The following ZDHHC17 variants were observed in gnomAD, a reference collection of about 807,000 sequenced individuals.
ZDHHC17 encodes zDHHC palmitoyltransferase 17.
ZDHHC17 carries 40 observed loss-of-function variants against 90.3 expected under a neutral mutation model. The observed-to-expected ratio is 0.44, with a 90% CI of 0.34 to 0.58. The LOEUF (loss-of-function observed/expected upper bound fraction) is 0.58. Ranked by LOEUF, ZDHHC17 falls within the 20% of genes least tolerant of loss-of-function variation. ZDHHC17 has a pLI of 0.01. For missense variants in ZDHHC17, 614 were observed against 780.8 expected (o/e 0.79, Z 2.55); for synonymous variants, 235 against 252.4 (o/e 0.93, Z 0.65).
In ZDHHC17 at chr12:76,851,133, CT is replaced by C; in HGVS notation, c.*152del. The C allele has an allele frequency of 1.1e-6, 1 of 884,496 alleles. No individual in the cohort carries two copies. Among genetic ancestry groups the C allele is most frequent in the Non-Finnish European group, 1.7e-6 (1 of 603,010 alleles). 54.8% of individuals were successfully genotyped at this position (884,496 alleles called of 1,614,324 possible). On this transcript the variant is annotated 3_prime_UTR_variant, in exon 17 of 17. Coordinates refer to ENST00000426126, the MANE Select transcript of ZDHHC17 (RefSeq NM_015336.4). ...GAATTTTACAGTCTTTTTTTCAACA[CT>C]TTTATTAACAAAAGTAAACATGGAC...
Position 76,827,124 on chromosome 12 carries a change from A to G in ZDHHC17, c.1040+74A>G, listed in dbSNP as rs1270126822. On this transcript the variant is annotated intron_variant, in intron 9 of 16. Transcript: ENST00000426126. ...TAATTTGTACTCTTGTATAAAATTA[A>G]TGTTTGTATGTTGTACATTTGATCT... 9 of 1,399,850 alleles carry G rather than the reference A, an allele frequency of 6.4e-6. No individual in the cohort carries two copies. The African/African-American group carries it at 1.2e-4, about 19-fold the overall frequency. The allele number at this position is 1,399,850 out of a possible 1,614,324, so 86.7% of individuals were successfully genotyped here. A position where few individuals can be genotyped will look rare whatever the true frequency, so the allele number is the denominator to read the frequency against.
Position 76,764,287 on chromosome 12 carries a change from G to A in ZDHHC17, c.51G>A (p.Glu17=), listed in dbSNP as rs1255733681. The change falls in exon 1 of 17, where the codon GAG becomes GAA. Residue 17 remains glutamate, a synonymous_variant. Transcript: ENST00000426126. The part of the protein sequence containing the change: ...FNTKMADGPD[E]YDTEAGCVPL... Reference sequence around the variant, plus strand: ...CCAAGATGGCGGACGGCCCGGATGAGTACGATACCGAAGCGGGCTGTGTGC... The same window carrying A: ...CCAAGATGGCGGACGGCCCGGATGAATACGATACCGAAGCGGGCTGTGTGC... 6.2e-7 allele frequency: 1 copy of A among 1,607,402 alleles called. No individual in the cohort carries two copies. The highest frequency in any genetic ancestry group is 1.1e-5 in the South Asian group (1 of 89,432).
At position 76,815,436 on chromosome 12, in the gene ZDHHC17, AAAG is replaced by A. The variant is rs372974155; in HGVS notation, c.608+230_608+232del. Among the ~76,000 whole-genome samples the A allele has an allele frequency of 5.9e-3, 891 of 151,992 alleles. 10 individuals carry two copies. The highest frequency in any genetic ancestry group is 0.021 in the African/African-American group (861 of 41,532). ...GTTTCTCTTTTAACAATATCTAAGA[AAAG>A]AAGTTATCTTTTTTTAAAAATTAAT... is the stretch of plus-strand genomic sequence containing the variant. On this transcript the variant is annotated intron_variant, in intron 6 of 16. Transcript: ENST00000426126.
intron 8 of ZDHHC17, among the ~76,000 whole-genome samples, chr12:76,825,680 A>C (rs941025423): frequency 2.2e-4 from 5 of 22,432 alleles, no homozygotes; most frequent in African/African-American, 7.4e-4. Flanking sequence ...CATTTATATG[A>C]AAAAAAAAAA....
intron 2 of ZDHHC17, among the ~76,000 whole-genome samples, chr12:76,801,157 A>AT (rs1952883202): frequency 6.7e-6 from 1 of 150,144 alleles, no homozygotes; most frequent in Non-Finnish European, 1.5e-5. Flanking sequence ...AAGTGCTGGG[A>AT]TTACAGGCGA....
Position 76,848,246 on chromosome 12 carries a change from C to T in ZDHHC17, c.1521C>T (p.His507=). Residue 507 remains histidine (H), a synonymous_variant, in exon 15 of 17, where the codon CAC becomes CAT. Coordinates refer to ENST00000426126, the MANE Select transcript of ZDHHC17 (RefSeq NM_015336.4). ...TTCTGGCTTTAGACTGGGGACTCCA[C>T]TGTGAGACCACTTACACCAAGGATG... The part of the protein sequence containing the change: ...IYGCISYWGL[H]CETTYTKDGF... The T allele has an allele frequency of 6.2e-7, 1 of 1,613,892 alleles. No homozygotes were observed. Among genetic ancestry groups the T allele is most frequent in the Non-Finnish European group, 8.5e-7 (1 of 1,179,812 alleles).
rs1592483540 is a variant in ZDHHC17, at chr12:76,815,010, A to T, written c.544-136A>T. On this transcript the variant is annotated intron_variant, in intron 5 of 16. Coordinates refer to ENST00000426126, the MANE Select transcript of ZDHHC17 (RefSeq NM_015336.4). ...AGTTTCATTTTAAAGTTAAGAAAGA[A>T]AGTTTCATACATTATCCTTGATTGA... is the stretch of plus-strand genomic sequence containing the variant. 2.4e-5 allele frequency: 12 copies of T among 504,414 alleles called. No individual in the cohort carries two copies. In the East Asian group the frequency reaches 3.5e-4, roughly 15 times the overall value. 31.2% of individuals were successfully genotyped at this position (504,414 alleles called of 1,614,324 possible). A position where few individuals can be genotyped will look rare whatever the true frequency, so the allele number is the denominator to read the frequency against.
intron 2 of ZDHHC17, among the ~76,000 whole-genome samples, chr12:76,803,340 T>C (rs1437603265): frequency 1.3e-5 from 2 of 152,194 alleles, no homozygotes; most frequent in African/African-American, 4.8e-5. Context: ...CATTGTCCTT[T>C]CCCGCATTGT....
chr12:76,847,721 G>A (rs1232370893), intron 14 of ZDHHC17, among the ~76,000 whole-genome samples: 4 of 152,138 alleles, frequency 2.6e-5, no homozygotes, highest in Middle Eastern at 3.2e-3. Flanking sequence ...AGCCCGGTGT[G>A]GTAGCGCATG....
intron 10 of ZDHHC17, 121 bp downstream of exon 10, chr12:76,828,611 A>G: frequency 1.3e-6 from 1 of 792,446 alleles, no homozygotes; most frequent in Non-Finnish European, 1.9e-6. Flanking sequence ...TAGTGTTCCT[A>G]GAAAATTTAG....
At chr12:76,790,624 G>T (rs1208045605) in intron 1 of ZDHHC17, among the ~76,000 whole-genome samples, 1 of 152,214 alleles carries the variant, frequency 6.6e-6, no homozygotes, top group Admixed American at 6.5e-5. Flanking sequence ...AGAAGGAAAT[G>T]AAGTGAAAAC....
At position 76,805,451 on chromosome 12, in the gene ZDHHC17, C is replaced by T; in HGVS notation, c.320+12C>T. 1 of 1,527,240 alleles carries T rather than the reference C, an allele frequency of 6.5e-7. No individual in the cohort carries two copies. 94.6% of individuals were successfully genotyped at this position (1,527,240 alleles called of 1,614,324 possible). On this transcript the variant is annotated intron_variant, in intron 3 of 16. Coordinates refer to ENST00000426126, the MANE Select transcript of ZDHHC17 (RefSeq NM_015336.4). ...ATAGATTTAGTCAAGTATGTATTTTCTCTATTTTTAATTATTAGAACTTGA... is the reference window on the plus strand; with the variant it reads ...ATAGATTTAGTCAAGTATGTATTTTTTCTATTTTTAATTATTAGAACTTGA...
chr12:76,768,317 G>A (rs1952454308), intron 1 of ZDHHC17, among the ~76,000 whole-genome samples: 1 of 152,198 alleles, frequency 6.6e-6, no homozygotes, highest in South Asian at 2.1e-4. Flanking sequence ...ACTGGTCTCA[G>A]TTTTGTTGCT....
chr12:76,841,457 A>G (rs947146396), intron 10 of ZDHHC17, among the ~76,000 whole-genome samples: 53 of 152,158 alleles, frequency 3.5e-4, no homozygotes, highest in African/African-American at 1.3e-3. Context: ...AATGCCTAGT[A>G]TATTTCTTAC....
chr12:76,849,674 TTTTTTC>T, intron 16 of ZDHHC17: 1 of 366,204 alleles, frequency 2.7e-6, no homozygotes, highest in Non-Finnish European at 4.8e-6. Flanking sequence ...CTCCTTATAT[TTTTTTC>T]TTTTTAATTT....
intron 16 of ZDHHC17, among the ~76,000 whole-genome samples, chr12:76,850,039 C>A (rs1424279613): frequency 6.6e-6 from 1 of 152,102 alleles, no homozygotes; most frequent in East Asian, 1.9e-4. Flanking sequence ...TCTGCCTCAG[C>A]CTCCTGAGTA....
At chr12:76,814,507 T>C (rs1041938383) in intron 5 of ZDHHC17, among the ~76,000 whole-genome samples, 3 of 151,908 alleles carry the variant, frequency 2.0e-5, no homozygotes, top group African/African-American at 4.8e-5. Flanking sequence ...ATTCAGATTT[T>C]TTGTACCAAG....
rs11831710 is a variant in ZDHHC17 at position 76,795,486 on chromosome 12, G to A, written c.94-1948G>A. ...GTGATCAAGTTTTTATTCTTTTTCA[G>A]GTATCTTACAGCCATATAGATGTCA... On this transcript the variant is annotated intron_variant, in intron 1 of 16. Transcript: ENST00000426126. Among the ~76,000 whole-genome samples, 449 of 152,002 alleles carry A rather than the reference G, an allele frequency of 3.0e-3. 6 individuals carry two copies. Among genetic ancestry groups the A allele is most frequent in the African/African-American group, 0.011 (436 of 41,444 alleles).
intron 10 of ZDHHC17, among the ~76,000 whole-genome samples, chr12:76,834,980 C>A (rs117420599): frequency 0.012 from 1,685 of 144,984 alleles, 11 homozygotes; most frequent in Non-Finnish European, 0.017. Flanking sequence ...AATATCTTAG[C>A]TCTTTTTGGC....
Sources: allele counts gnomAD v4.1 joint callset (sites outside exome capture counted in the v4.1 genomes callset), GRCh38; gene constraint gnomAD v4.1.1; transcripts MANE v1.5; gene names NCBI Gene and HGNC (gene_info 2026-07-23, HGNC 2026-07-21).